The following SPEF2 variants were observed in gnomAD, a reference collection of about 807,000 sequenced individuals.
SPEF2 encodes the protein sperm flagella and cilia-associated protein 2.
SPEF2 carries 187 observed loss-of-function variants against 224.6 expected under a neutral mutation model. That is an observed-to-expected ratio of 0.83 (90% CI 0.74 to 0.94). The LOEUF (loss-of-function observed/expected upper bound fraction) is 0.94. SPEF2 is among the 40% of genes least tolerant of loss of function. The pLI is 0.00. For missense variants in SPEF2, 2,170 were observed against 2,135.6 expected (o/e 1.02, Z -0.32); for synonymous variants, 715 against 707.3 (o/e 1.01, Z -0.17).
intron 12 of SPEF2, 60 bp from the exon 13 acceptor site, chr5:35,694,228 G>A (rs1290962163): frequency 3.1e-6 from 4 of 1,273,860 alleles, no homozygotes; most frequent in Non-Finnish European, 4.5e-6. Context: ...ATAAAATTAG[G>A]AGGATTATTA....
rs1482606153 is a variant in SPEF2, at chr5:35,763,806, T to C, written c.3801+104T>C. On this transcript the variant is annotated intron_variant, in intron 26 of 36. Coordinates refer to ENST00000356031, the MANE Select transcript of SPEF2 (RefSeq NM_024867.4). The stretch of plus-strand genomic sequence containing the variant: ...AAATTGACACAATGCTCTCAAGCAC[T>C]GTAGAAAATTGTACCTTCGAAACAT... 5 of 1,040,678 alleles carry C rather than the reference T, an allele frequency of 4.8e-6. No homozygotes were observed. The East Asian group carries it at 1.1e-4, about 22-fold the overall frequency. 64.5% of individuals were successfully genotyped at this position (1,040,678 alleles called of 1,614,324 possible). A position where few individuals can be genotyped will look rare whatever the true frequency, so the allele number is the denominator to read the frequency against.
intron 26 of SPEF2, among the ~76,000 whole-genome samples, chr5:35,768,469 T>C (rs959692884): frequency 2.6e-5 from 4 of 152,178 alleles, no homozygotes; most frequent in African/African-American, 9.6e-5. Context: ...ATTAAGCTGA[T>C]ATGATTTTAG....
At chr5:35,778,586 C>T (rs1753920149) in intron 29 of SPEF2, among the ~76,000 whole-genome samples, 1 of 152,142 alleles carries the variant, frequency 6.6e-6, no homozygotes. Flanking sequence ...ACAACAGAGG[C>T]TATTCTGACA....
intron 26 of SPEF2, 85 bp from the exon 27 acceptor site, chr5:35,771,524 A>G: frequency 1.3e-6 from 2 of 1,501,818 alleles, no homozygotes; most frequent in Non-Finnish European, 1.8e-6. Context: ...TAAGGTTTCA[A>G]CAGAATTTAG....
intron 8 of SPEF2, among the ~76,000 whole-genome samples, chr5:35,659,848 C>G (rs2149450187): frequency 6.6e-6 from 1 of 151,668 alleles, no homozygotes; most frequent in South Asian, 2.1e-4. Context: ...TAAGCTGCTT[C>G]CTTTCAACTA....
chr5:35,781,153 T>C (rs576256981), intron 30 of SPEF2, among the ~76,000 whole-genome samples: 2 of 151,954 alleles, frequency 1.3e-5, no homozygotes, highest in East Asian at 3.9e-4. Flanking sequence ...TGTTTTTTTT[T>C]TAATTTTTAT....
intron 30 of SPEF2, among the ~76,000 whole-genome samples, chr5:35,782,318 G>A (rs893532574): frequency 6.6e-6 from 1 of 152,118 alleles, no homozygotes; most frequent in African/African-American, 2.4e-5. Context: ...AGAACTTCCT[G>A]CTCAAACTTG....
In SPEF2 at chr5:35,695,777, C is replaced by T; in HGVS notation, c.2018C>T (p.Ser673Leu). The T allele has an allele frequency of 6.2e-7, 1 of 1,609,154 alleles. No individual in the cohort carries two copies. The highest frequency in any genetic ancestry group is 8.5e-7 in the Non-Finnish European group (1 of 1,177,538). Residue 673 changes from serine to leucine, a missense_variant, in exon 14 of 37, where the codon TCA becomes TTA. Physicochemically the swap from Ser to Leu is moderately radical, Grantham distance 145. Transcript: ENST00000356031. ...DKTPKAEEVK[S>L]SDSFLKLTTR... is the part of the protein sequence containing the mutation. ...ACACCAAAAGCTGAAGAAGTCAAAT[C>T]AAGTGATAGTTTCTTAAAAGTAAGT...
chr5:35,737,091 T>G (rs900262825), intron 21 of SPEF2, among the ~76,000 whole-genome samples: 1 of 152,210 alleles, frequency 6.6e-6, no homozygotes, highest in African/African-American at 2.4e-5. Context: ...AAGAAATGCT[T>G]TAGAATCTTG....
At chr5:35,618,202 AGCAACTCG>A in intron 1 of SPEF2, 147 bp downstream of exon 1, 1 of 841,872 alleles carries the variant, frequency 1.2e-6, no homozygotes, top group South Asian at 1.6e-5. Flanking sequence ...TCCCACAGTG[AGCAACTCG>A]GCTCGGCGGT....
intron 10 of SPEF2, chr5:35,678,401 C>T (rs976714714): frequency 6.6e-6 from 1 of 152,278 alleles, no homozygotes; most frequent in African/African-American, 2.4e-5. Flanking sequence ...CTAACCTCTG[C>T]CTTTCCCTCG....
intron 10 of SPEF2, among the ~76,000 whole-genome samples, chr5:35,679,940 G>A (rs1752558272): frequency 6.6e-6 from 1 of 152,110 alleles, no homozygotes; most frequent in Non-Finnish European, 1.5e-5. Flanking sequence ...TATAGTCAAT[G>A]TTCTCAAGGG....
At chr5:35,632,197 C>G (rs973838674) in intron 2 of SPEF2, among the ~76,000 whole-genome samples, 1 of 152,190 alleles carries the variant, frequency 6.6e-6, no homozygotes, top group Non-Finnish European at 1.5e-5. Flanking sequence ...AGTCCATTTT[C>G]ACACTGCTAT....
intron 10 of SPEF2, among the ~76,000 whole-genome samples, chr5:35,682,821 C>T (rs1223202557): frequency 1.3e-5 from 2 of 152,178 alleles, no homozygotes; most frequent in East Asian, 1.9e-4. Context: ...AAGCTCCATT[C>T]CCAACTTGGA....
At chr5:35,684,789 C>T (rs986941573) in intron 10 of SPEF2, among the ~76,000 whole-genome samples, 1 of 152,124 alleles carries the variant, frequency 6.6e-6, no homozygotes, top group African/African-American at 2.4e-5. Flanking sequence ...AAGACTGTTG[C>T]CTTTAAAAAG....
At chr5:35,643,177 G>A (rs972048299) in intron 3 of SPEF2, among the ~76,000 whole-genome samples, 1 of 151,888 alleles carries the variant, frequency 6.6e-6, no homozygotes, top group African/African-American at 2.4e-5. Flanking sequence ...ACAAACAAGT[G>A]CCTATTAGCT....
intron 36 of SPEF2, among the ~76,000 whole-genome samples, chr5:35,813,225 G>A (rs1181619673): frequency 2.6e-5 from 4 of 152,202 alleles, no homozygotes; most frequent in African/African-American, 7.2e-5. Context: ...GGGCACAGTG[G>A]TTGCCATCTG....
chr5:35,798,036 A>G (rs930843684), intron 33 of SPEF2, among the ~76,000 whole-genome samples: 3 of 152,122 alleles, frequency 2.0e-5, no homozygotes, highest in Non-Finnish European at 2.9e-5. Context: ...TGAGAGTTCT[A>G]TCTTCAAAAC....
chr5:35,787,727 T>C, intron 30 of SPEF2: 1 of 511,692 alleles, frequency 2.0e-6, no homozygotes, highest in Non-Finnish European at 3.4e-6. Context: ...TTAAAGCACT[T>C]AACAGAATGC....
Sources: allele counts gnomAD v4.1 joint callset (sites outside exome capture counted in the v4.1 genomes callset), GRCh38; gene constraint gnomAD v4.1.1; transcripts MANE v1.5; gene names NCBI Gene and HGNC (gene_info 2026-07-23, HGNC 2026-07-21).